CDH9: variants seen among roughly 807,000 people sequenced by gnomAD.
CDH9 encodes the protein cadherin-9.
A neutral mutation model predicts 70.9 loss-of-function variants in CDH9; 28 were observed. The ratio of observed to expected loss-of-function variants is 0.40; its 90% CI spans 0.29 to 0.54. The LOEUF is 0.54. CDH9 is among the 20% of genes least tolerant of loss of function. The pLI, the probability that CDH9 is intolerant of heterozygous loss-of-function variation, is 0.59. For missense variants in CDH9, 874 were observed against 984.4 expected, an observed-to-expected ratio of 0.89 and a Z score of 1.50; for synonymous variants, 409 against 343.1, an observed-to-expected ratio of 1.19 and a Z score of -2.12.
intron 1 of CDH9, among the ~76,000 whole-genome samples, chr5:27,023,312 G>C (rs977295155): frequency 2.0e-5 from 3 of 152,002 alleles, no homozygotes; most frequent in Non-Finnish European, 2.9e-5. Flanking sequence ...GGGAGGCTCG[G>C]TTGATTCATC....
In CDH9 at chr5:26,919,349, G is replaced by T. The variant is rs796076895; in HGVS notation, c.229-3425C>A. ...AAGCAACTTAGGGTAGAAGTCAGCT[G>T]GCACCCATGGAGAAAGCATTTAGAC... On this transcript the variant is annotated intron_variant, in intron 2 of 11. Transcript: ENST00000231021. Among the ~76,000 whole-genome samples the T allele has an allele frequency of 2.6e-5, 4 of 152,222 alleles. 2 individuals are homozygous for T. Among genetic ancestry groups the T allele is most frequent in the African/African-American group, 9.6e-5 (4 of 41,544 alleles).
At chr5:26,916,887 A>G (rs1579449466) in intron 2 of CDH9, among the ~76,000 whole-genome samples, 1 of 151,878 alleles carries the variant, frequency 6.6e-6, no homozygotes, top group South Asian at 2.1e-4. Context: ...GTAATATAAA[A>G]CTCACAGCCT....
intron 7 of CDH9, 26 bp downstream of exon 7, chr5:26,902,450 A>G (rs1411623335): frequency 4.6e-6 from 7 of 1,516,040 alleles, no homozygotes; most frequent in Non-Finnish European, 6.3e-6. Context: ...TTCTAAAAAC[A>G]TAATAAATGT....
intron 1 of CDH9, among the ~76,000 whole-genome samples, chr5:26,994,820 T>C (rs1742640708): frequency 6.6e-6 from 1 of 152,218 alleles, no homozygotes; most frequent in African/African-American, 2.4e-5. Context: ...CTATGTGTTT[T>C]AAGCACTTGC....
chr5:27,032,878 T>C (rs901932697), intron 1 of CDH9, among the ~76,000 whole-genome samples: 5 of 151,458 alleles, frequency 3.3e-5, no homozygotes, highest in African/African-American at 9.7e-5. Context: ...CTTTGTATTA[T>C]ACATGACTAA....
intron 1 of CDH9, among the ~76,000 whole-genome samples, chr5:27,029,490 T>C (rs775572337): frequency 6.6e-6 from 1 of 151,942 alleles, no homozygotes; most frequent in Non-Finnish European, 1.5e-5. Flanking sequence ...CAAGCAGATA[T>C]TTTATCACAA....
rs116503319 is a variant in CDH9 at position 26,965,308 on chromosome 5, G to A, written c.228+22798C>T. The stretch of plus-strand genomic sequence containing the variant: ...AAAATATTTCTGGCTGGGCACAGTA[G>A]CTTGCACCTGTAATCCCAGCACTTT... On this transcript the variant is annotated intron_variant, in intron 2 of 11. Coordinates refer to ENST00000231021, the MANE Select transcript of CDH9 (RefSeq NM_016279.4). 5.2e-3 allele frequency among the ~76,000 whole-genome samples: 789 copies of A among 152,190 alleles called. 5 individuals carry two copies. The highest frequency in any genetic ancestry group is 0.016 in the South Asian group (75 of 4,826).
intron 1 of CDH9, among the ~76,000 whole-genome samples, chr5:27,019,860 T>G (rs1743107859): frequency 6.6e-6 from 1 of 152,030 alleles, no homozygotes; most frequent in African/African-American, 2.4e-5. Context: ...TGCAAAATTC[T>G]TAATATTCGT....
intron 2 of CDH9, among the ~76,000 whole-genome samples, chr5:26,951,286 T>C (rs2112046933): frequency 1.7e-5 from 1 of 60,394 alleles, no homozygotes; most frequent in Non-Finnish European, 3.1e-5. Context: ...AGCAAGACTC[T>C]GTCTCAAAAA....
At chr5:26,949,453 T>A (rs752514569) in intron 2 of CDH9, among the ~76,000 whole-genome samples, 4 of 152,222 alleles carry the variant, frequency 2.6e-5, no homozygotes, top group African/African-American at 9.6e-5. Flanking sequence ...GAAGGCTGCA[T>A]CTACAAATTA....
At chr5:26,899,132 A>G (rs1740806040) in intron 7 of CDH9, among the ~76,000 whole-genome samples, 1 of 152,164 alleles carries the variant, frequency 6.6e-6, no homozygotes, top group Admixed American at 6.6e-5. Context: ...CACCATCTCC[A>G]TCAATTAGAA....
At chr5:26,933,388 C>A (rs1451272179) in intron 2 of CDH9, among the ~76,000 whole-genome samples, 1 of 151,244 alleles carries the variant, frequency 6.6e-6, no homozygotes. Context: ...GGAAAGAAGT[C>A]AATGAAATCG....
chr5:26,962,900 AGTTT>A (rs1742061860), intron 2 of CDH9, among the ~76,000 whole-genome samples: 1 of 152,122 alleles, frequency 6.6e-6, no homozygotes, highest in Admixed American at 6.6e-5. Context: ...TTCTCTAATT[AGTTT>A]ATCAATTTTT....
chr5:27,019,715 A>T (rs1027479787), intron 1 of CDH9, among the ~76,000 whole-genome samples: 4 of 151,988 alleles, frequency 2.6e-5, no homozygotes, highest in African/African-American at 9.7e-5. Context: ...ATTATGAAAT[A>T]CGTAAATAAG....
At chr5:26,989,836 T>G (rs1272691859) in intron 1 of CDH9, among the ~76,000 whole-genome samples, 1 of 152,132 alleles carries the variant, frequency 6.6e-6, no homozygotes, top group African/African-American at 2.4e-5. Flanking sequence ...TATTTTCAAA[T>G]ACGGACCTAT....
chr5:26,958,895 A>G (rs1253961391), intron 2 of CDH9, among the ~76,000 whole-genome samples: 3 of 152,166 alleles, frequency 2.0e-5, no homozygotes, highest in Admixed American at 6.5e-5. Context: ...AAGAACTACA[A>G]ATTCAAAACT....
intron 3 of CDH9, among the ~76,000 whole-genome samples, chr5:26,910,081 A>T (rs1741022634): frequency 6.6e-6 from 1 of 152,134 alleles, no homozygotes; most frequent in Admixed American, 6.5e-5. Flanking sequence ...TATACAAAAT[A>T]AACTTCATAT....
At chr5:26,910,206 G>C (rs1741024804) in intron 3 of CDH9, among the ~76,000 whole-genome samples, 1 of 146,168 alleles carries the variant, frequency 6.8e-6, no homozygotes, top group East Asian at 2.0e-4. Flanking sequence ...CCAAAACCTA[G>C]GCCTCGTATC....
intron 3 of CDH9, among the ~76,000 whole-genome samples, chr5:26,912,442 T>C (rs1278288007): frequency 6.6e-6 from 1 of 151,452 alleles, no homozygotes; most frequent in African/African-American, 2.4e-5. Context: ...AGGTAAAATA[T>C]ATCTACTTTT....
Sources: allele counts gnomAD v4.1 joint callset (sites outside exome capture counted in the v4.1 genomes callset), GRCh38; gene constraint gnomAD v4.1.1; transcripts MANE v1.5; gene names NCBI Gene and HGNC (gene_info 2026-07-23, HGNC 2026-07-21).